Variants in RGS6 observed in about 807,000 individuals in gnomAD.
RGS6 encodes regulator of G-protein signaling 6.
A neutral mutation model predicts 78.5 loss-of-function variants in RGS6; 30 were observed. The ratio of observed to expected loss-of-function variants is 0.38; its 90% CI spans 0.29 to 0.52. The LOEUF is 0.52. Ranked by LOEUF, RGS6 falls within the 20% of genes least tolerant of loss-of-function variation. The probability of loss-of-function intolerance (pLI) is 0.85; values close to 1 mark genes in which losing one functional copy is unlikely to be tolerated. For missense variants in RGS6, 495 were observed against 609.7 expected (o/e 0.81, Z 1.98); for synonymous variants, 206 against 206.0 (o/e 1.00, Z 0.00).
the RGS6 span, among the ~76,000 whole-genome samples, chr14:71,884,536 G>A: frequency 6.6e-6 from 1 of 152,124 alleles, no homozygotes; most frequent in Non-Finnish European, 1.5e-5. Flanking sequence ...AGTGGGCTGG[G>A]TGTGGAAAAG....
At chr14:72,348,059 G>A (rs566210066) in intron 2 of RGS6, among the ~76,000 whole-genome samples, 7 of 152,306 alleles carry the variant, frequency 4.6e-5, no homozygotes, top group East Asian at 1.9e-4. Flanking sequence ...GGCATATGGC[G>A]CTGCGAGAAG....
In RGS6 at chr14:72,563,766, C is replaced by T. The variant is rs1294267826; in HGVS notation, c.*1299C>T. 1 of 152,176 alleles carries T rather than the reference C, an allele frequency of 6.6e-6. No individual in the cohort carries two copies. 9.4% of individuals were successfully genotyped at this position (152,176 alleles called of 1,614,324 possible). A position where few individuals can be genotyped will look rare whatever the true frequency, so the allele number is the denominator to read the frequency against. On this transcript the variant is annotated 3_prime_UTR_variant, in exon 18 of 18. Transcript: ENST00000553525. ...CTTAGCAAACGGTAGCTAATACTAT[C>T]ATCATTGTCATTGTTATTGTGACAC... is the stretch of plus-strand genomic sequence containing the variant.
chr14:72,004,655 A>G (rs1166965383), intron 2 of RGS6, among the ~76,000 whole-genome samples: 1 of 151,934 alleles, frequency 6.6e-6, no homozygotes, highest in Admixed American at 6.6e-5. Context: ...GCAACATGGT[A>G]AAACCCTGTC....
chr14:71,961,001 G>A (rs1185210319), intron 1 of RGS6, among the ~76,000 whole-genome samples: 1 of 152,200 alleles, frequency 6.6e-6, no homozygotes, highest in East Asian at 1.9e-4. Context: ...TATCCCCAGG[G>A]CCTAGCATGG....
the RGS6 span, among the ~76,000 whole-genome samples, chr14:72,624,419 G>A: frequency 7.1e-6 from 1 of 141,566 alleles, no homozygotes; most frequent in African/African-American, 2.6e-5. Context: ...GCTCACTGCA[G>A]CCTCCTTCTC....
chr14:72,537,731 T>A, intron 16 of RGS6: 1 of 601,274 alleles, frequency 1.7e-6, no homozygotes, highest in South Asian at 2.0e-5. Context: ...AAGTTTTTCT[T>A]ATTTTCTGTG....
intron 3 of RGS6, among the ~76,000 whole-genome samples, chr14:72,426,808 T>C (rs2094450891): frequency 6.6e-6 from 1 of 152,252 alleles, no homozygotes; most frequent in African/African-American, 2.4e-5. Flanking sequence ...TTTCCAAAGA[T>C]GTCTGGAATA....
intron 3 of RGS6, among the ~76,000 whole-genome samples, chr14:72,441,788 T>C (rs1566856503): frequency 6.6e-6 from 1 of 152,068 alleles, no homozygotes; most frequent in African/African-American, 2.4e-5. Context: ...AGATGGCAAG[T>C]GGGGAATGAT....
chr14:71,971,833 G>A (rs891029738), intron 2 of RGS6, among the ~76,000 whole-genome samples: 4 of 150,986 alleles, frequency 2.6e-5, no homozygotes, highest in Non-Finnish European at 5.9e-5. Flanking sequence ...GTTCTTCGTT[G>A]GCTGTTTGCC....
the RGS6 span, among the ~76,000 whole-genome samples, chr14:71,870,505 A>G: frequency 1.3e-5 from 2 of 152,204 alleles, no homozygotes; most frequent in African/African-American, 2.4e-5. Context: ...GAGTCTAAGA[A>G]TTCATCCAGA....
At chr14:72,295,950 G>A (rs1348370609) in intron 2 of RGS6, among the ~76,000 whole-genome samples, 2 of 152,126 alleles carry the variant, frequency 1.3e-5, no homozygotes, top group African/African-American at 4.8e-5. Context: ...CTATACTTAC[G>A]TAACCCACAG....
At chr14:71,886,137 A>T in the RGS6 span, among the ~76,000 whole-genome samples, 1 of 152,284 alleles carries the variant, frequency 6.6e-6, no homozygotes, top group South Asian at 2.1e-4. Flanking sequence ...TCAGAACTTA[A>T]ATTTTTGGAC....
intron 2 of RGS6, among the ~76,000 whole-genome samples, chr14:71,992,932 C>G (rs1005676943): frequency 6.6e-6 from 1 of 152,100 alleles, no homozygotes; most frequent in Admixed American, 6.6e-5. Context: ...TGTTCTTTCT[C>G]CATTGTTCAA....
intron 2 of RGS6, among the ~76,000 whole-genome samples, chr14:72,226,831 G>A (rs2238227): frequency 0.46 from 69,622 of 152,088 alleles, 16,313 homozygotes; most frequent in Middle Eastern, 0.62. Flanking sequence ...GCCTCCAGGC[G>A]CATTCCACCA....
Position 72,072,558 on chromosome 14 carries a change from C to T in RGS6, c.84+107683C>T, listed in dbSNP as rs145203485. Among the ~76,000 whole-genome samples the T allele has an allele frequency of 2.5e-3, 379 of 152,054 alleles. 1 individual carries two copies. The highest frequency in any genetic ancestry group is 8.8e-3 in the African/African-American group (366 of 41,476). ...TCCTGACCTCAGGTGATCCACCTGC[C>T]CCGGCCTCCCAAAGTGCTGGGATTA... On this transcript the variant is annotated intron_variant, in intron 2 of 17. Coordinates refer to ENST00000553525, the MANE Select transcript of RGS6 (RefSeq NM_001204424.2).
intron 15 of RGS6, among the ~76,000 whole-genome samples, chr14:72,528,196 C>G (rs79748665): frequency 0.015 from 2,254 of 152,334 alleles, 60 homozygotes; most frequent in African/African-American, 0.051. Context: ...AATGAGGACT[C>G]TCTGAGCAAA....
At chr14:72,113,376 C>T (rs1033267233) in intron 2 of RGS6, among the ~76,000 whole-genome samples, 1 of 152,192 alleles carries the variant, frequency 6.6e-6, no homozygotes, top group African/African-American at 2.4e-5. Flanking sequence ...TGATGGAGTG[C>T]ACTTTCTGCT....
intron 3 of RGS6, among the ~76,000 whole-genome samples, chr14:72,364,254 G>A (rs1377194406): frequency 6.6e-6 from 1 of 152,106 alleles, no homozygotes; most frequent in Non-Finnish European, 1.5e-5. Flanking sequence ...CCCCAGGACA[G>A]AAGACAAATC....
intron 3 of RGS6, among the ~76,000 whole-genome samples, chr14:72,371,222 G>GT (rs2083446009): frequency 6.6e-6 from 1 of 152,152 alleles, no homozygotes; most frequent in African/African-American, 2.4e-5. Context: ...TTAAAATCCT[G>GT]TCAACTTATA....
Sources: allele counts gnomAD v4.1 joint callset (sites outside exome capture counted in the v4.1 genomes callset), GRCh38; gene constraint gnomAD v4.1.1; transcripts MANE v1.5; gene names NCBI Gene and HGNC (gene_info 2026-07-23, HGNC 2026-07-21).